The following SULT6B1 variants were observed in gnomAD, a reference collection of about 807,000 sequenced individuals.
SULT6B1 encodes the protein sulfotransferase family 6B member 1, also known as sulfotransferase 6B1.
A neutral mutation model predicts 37.2 loss-of-function variants in SULT6B1; 44 were observed. The ratio of observed to expected loss-of-function variants is 1.18; its 90% confidence interval spans 0.93 to 1.52. The LOEUF (loss-of-function observed/expected upper bound fraction) is 1.52, where lower values mean the gene tolerates loss of function less well. SULT6B1 is among the 40% of genes most tolerant of loss of function. The pLI, the probability that SULT6B1 is intolerant of heterozygous loss-of-function variation, is 0.00. For missense variants in SULT6B1, 450 were observed against 361.0 expected (o/e 1.25, Z -2.00); for synonymous variants, 140 against 126.0 (o/e 1.11, Z -0.74).
chr2:37,179,683 A>C, intron 3 of SULT6B1, 99 bp from the exon 4 acceptor site: 1 of 1,061,164 alleles, frequency 9.4e-7, no homozygotes, highest in Non-Finnish European at 1.4e-6. Context: ...CGTATATTAC[A>C]TAATTGTGTT....
At chr2:37,171,888 G>C (rs1676311300) in intron 5 of SULT6B1, among the ~76,000 whole-genome samples, 1 of 151,968 alleles carries the variant, frequency 6.6e-6, no homozygotes, top group Non-Finnish European at 1.5e-5. Flanking sequence ...ATTTTATCTA[G>C]GATGATATCA....
intron 4 of SULT6B1, among the ~76,000 whole-genome samples, chr2:37,177,389 G>T (rs1676452755): frequency 7.1e-6 from 1 of 140,840 alleles, no homozygotes; most frequent in South Asian, 2.3e-4. Flanking sequence ...TCCAGCCTAG[G>T]TGACAGAGTG....
intron 6 of SULT6B1, among the ~76,000 whole-genome samples, chr2:37,170,966 C>T (rs1485619334): frequency 6.6e-6 from 1 of 151,950 alleles, no homozygotes; most frequent in African/African-American, 2.4e-5. Flanking sequence ...CGGCCGGGCG[C>T]GGTGGCTCAC....
intron 2 of SULT6B1, among the ~76,000 whole-genome samples, chr2:37,184,069 T>G (rs1676618170): frequency 6.6e-6 from 1 of 152,260 alleles, no homozygotes; most frequent in Non-Finnish European, 1.5e-5. Context: ...CAATCATTTT[T>G]GTAATTTTTT....
In SULT6B1 at chr2:37,171,487, C is replaced by A. The variant is rs375332511; in HGVS notation, c.728G>T (p.Arg243Leu). The change falls in exon 6 of 7, where the codon CGT becomes CTT. Residue 243 changes from arginine to leucine, a missense_variant. Transcript: ENST00000535679. ...ISVQSTFQAMRAKSQDTHGAV... is the reference protein window; with the variant it reads ...ISVQSTFQAMLAKSQDTHGAV... ...ACCGTGTGTGTCCTGAGACTTCGCA[C>A]GCATGGCTTGGAAGGTGCTCTGGAC... 6.2e-7 allele frequency: 1 copy of A among 1,614,062 alleles called. No homozygotes were observed. Among genetic ancestry groups the A allele is most frequent in the Non-Finnish European group, 8.5e-7 (1 of 1,180,026 alleles).
chr2:37,178,953 T>TTTTG (rs5830459), intron 4 of SULT6B1, among the ~76,000 whole-genome samples: 41,218 of 151,118 alleles, frequency 0.27, 6,486 homozygotes, highest in East Asian at 0.78. Flanking sequence ...CAAATTAGTT[T>TTTTG]TTTGTTTGTT....
At position 37,188,535 on chromosome 2, in the gene SULT6B1, G is replaced by C; in HGVS notation, c.106C>G (p.Pro36Ala). ...LFFTYQGIPY[P>A]ITMCTSETFQ... ...GTTTCTGAGGTGCACATGGTGATGG[G>C]GTAAGGAATCCCCTGATAGGTGAAA... Residue 36 changes from proline (P) to alanine (A), a missense_variant, in exon 1 of 7, where the codon CCC becomes GCC. Coordinates refer to ENST00000535679, the MANE Select transcript of SULT6B1 (RefSeq NM_001367551.1). The C allele has an allele frequency of 6.2e-7, 1 of 1,614,032 alleles. No individual in the cohort carries two copies. The highest frequency in any genetic ancestry group is 8.5e-7 in the Non-Finnish European group (1 of 1,179,884).
intron 6 of SULT6B1, among the ~76,000 whole-genome samples, chr2:37,170,758 A>AAAAC (rs1558443447): frequency 2.8e-5 from 4 of 143,208 alleles, no homozygotes; most frequent in African/African-American, 1.0e-4. Context: ...AAAAAAAAAA[A>AAAAC]AACTCACTGA....
upstream of SULT6B1, among the ~76,000 whole-genome samples, chr2:37,190,954 A>G (rs577491664): frequency 6.6e-6 from 1 of 152,264 alleles, no homozygotes; most frequent in South Asian, 2.1e-4. Context: ...TAACCAAGAA[A>G]ACAATTAGAT....
intron 1 of SULT6B1, chr2:37,194,828 A>G (rs116254215): frequency 0.044 from 6,542 of 149,486 alleles, 213 homozygotes; most frequent in Non-Finnish European, 0.071. Context: ...CATTCCAATG[A>G]CCTTTTCTTC....
Position 37,167,921 on chromosome 2 carries a change from T to G in SULT6B1, c.*14A>C. ...TTAAGGAAAATAAATCTAGGCCTGC[T>G]GAATTGACTGGAATCAACCCTGGCA... On this transcript the variant is annotated 3_prime_UTR_variant, in exon 7 of 7. Coordinates refer to ENST00000535679, the MANE Select transcript of SULT6B1 (RefSeq NM_001367551.1). The G allele has an allele frequency of 6.4e-7, 1 of 1,557,192 alleles. No individual in the cohort carries two copies. Among genetic ancestry groups the G allele is most frequent in the East Asian group, 2.4e-5 (1 of 41,530 alleles).
At position 37,188,634 on chromosome 2, in the gene SULT6B1, C is replaced by G; in HGVS notation, c.7G>C (p.Asp3His). ...ATGTATTCAATAAATTTGGATTTAT[C>G]AGCCATGGTGGCTCCCTGTAAAAGA... MA[D>H]KSKFIEYIDE... The change falls in exon 1 of 7, where the codon GAT (aspartate) becomes CAT (histidine). Residue 3 changes from aspartate to histidine, a missense_variant. Physicochemically the swap from Asp to His is moderately conservative, Grantham distance 81. Coordinates refer to ENST00000535679, the MANE Select transcript of SULT6B1 (RefSeq NM_001367551.1). The G allele has an allele frequency of 8.1e-7, 1 of 1,229,238 alleles. No homozygotes were observed. The highest frequency in any genetic ancestry group is 1.2e-6 in the Non-Finnish European group (1 of 842,578). The allele number at this position is 1,229,238 out of a possible 1,614,324, so 76.1% of individuals were successfully genotyped here. A position where few individuals can be genotyped will look rare whatever the true frequency, so the allele number is the denominator to read the frequency against.
intron 6 of SULT6B1, among the ~76,000 whole-genome samples, chr2:37,170,614 C>CA (rs1229248652): frequency 3.3e-5 from 5 of 150,198 alleles, no homozygotes; most frequent in Non-Finnish European, 7.4e-5. Context: ...ATTAAAAATA[C>CA]AAAAAAATTA....
chr2:37,174,585 G>A (rs541280905), intron 5 of SULT6B1, among the ~76,000 whole-genome samples: 10 of 152,052 alleles, frequency 6.6e-5, no homozygotes, highest in Non-Finnish European at 1.2e-4. Flanking sequence ...CAGCTATGCT[G>A]TTTCTTTTTT....
intron 3 of SULT6B1, among the ~76,000 whole-genome samples, chr2:37,182,216 T>C (rs1280484590): frequency 1.3e-5 from 2 of 151,918 alleles, no homozygotes; most frequent in South Asian, 2.1e-4. Context: ...ACCTCACTAT[T>C]CTCCCATTCT....
chr2:37,179,548 C>G lies in SULT6B1; in HGVS notation c.439G>C (p.Val147Leu). ...TCGTTGTGGAAATGCAAAAAAGATA[C>G]TGCTGTATCTTTAGGGTTTCGAAAT... is the stretch of plus-strand genomic sequence containing the variant. ...VIFRNPKDTA[V>L]SFLHFHNDVP... Residue 147 changes from valine (V) to leucine (L), a missense_variant, in exon 4 of 7, where the codon GTA becomes CTA. Coordinates refer to ENST00000535679, the MANE Select transcript of SULT6B1 (RefSeq NM_001367551.1). 2.5e-6 allele frequency: 4 copies of G among 1,613,642 alleles called. No homozygotes were observed. In the South Asian group the frequency reaches 3.3e-5, roughly 13 times the overall value.
intron 5 of SULT6B1, among the ~76,000 whole-genome samples, chr2:37,171,871 G>A (rs1278570509): frequency 1.3e-5 from 2 of 151,906 alleles, no homozygotes; most frequent in East Asian, 3.9e-4. Flanking sequence ...TTAATTCACA[G>A]GTTATAATTT....
At chr2:37,178,172 G>T (rs899456307) in intron 4 of SULT6B1, among the ~76,000 whole-genome samples, 15 of 152,156 alleles carry the variant, frequency 9.9e-5, no homozygotes, top group African/African-American at 3.4e-4. Context: ...AGCCTCCCAA[G>T]TAGCTGAGAT....
intron 1 of SULT6B1, among the ~76,000 whole-genome samples, chr2:37,193,955 C>G (rs1040914135): frequency 6.6e-6 from 1 of 152,198 alleles, no homozygotes; most frequent in South Asian, 2.1e-4. Context: ...CTGCTCCAAA[C>G]CTTCTGGCCA....
Sources: allele counts gnomAD v4.1 joint callset (sites outside exome capture counted in the v4.1 genomes callset), GRCh38; gene constraint gnomAD v4.1.1; transcripts MANE v1.5; gene names NCBI Gene and HGNC (gene_info 2026-07-23, HGNC 2026-07-21).